Variants in GLS observed in about 807,000 individuals in gnomAD.
The protein encoded by GLS is glutaminase.
In GLS, 36 loss-of-function variants were observed where a neutral mutation model predicts 86.7. That is an observed-to-expected ratio of 0.42 (90% CI 0.32 to 0.55). GLS has a LOEUF of 0.55. Ranked by LOEUF, GLS falls within the 20% of genes least tolerant of loss-of-function variation. The pLI is 0.17. For missense variants in GLS, 528 were observed against 833.4 expected, an observed-to-expected ratio of 0.63 and a Z score of 4.51; for synonymous variants, 317 against 305.9, an observed-to-expected ratio of 1.04 and a Z score of -0.38.
chr2:190,959,200 G>A (rs1272242045), intron 17 of GLS, among the ~76,000 whole-genome samples: 2 of 150,332 alleles, frequency 1.3e-5, no homozygotes, highest in Non-Finnish European at 1.5e-5. Context: ...GATCTTTGTC[G>A]GTTTAAAGTC....
At position 190,927,399 on chromosome 2, in the gene GLS, C is replaced by T. The variant is rs1459271450; in HGVS notation, c.1342C>T (p.Leu448=). ...GFCPITGERV[L]SPEAVRNTLS... Reference sequence around the variant, plus strand: ...CTGCCCAATTACTGGTGAAAGAGTACTGAGCCCTGAAGCAGTTCGAAATAC... The same window carrying T: ...CTGCCCAATTACTGGTGAAAGAGTATTGAGCCCTGAAGCAGTTCGAAATAC... Residue 448 remains leucine, a synonymous_variant, in exon 12 of 18, where the codon CTG becomes TTG. Coordinates refer to ENST00000320717, the MANE Select transcript of GLS (RefSeq NM_014905.5). 1 of 1,613,692 alleles carries T rather than the reference C, an allele frequency of 6.2e-7. No homozygotes were observed. The highest frequency in any genetic ancestry group is 1.3e-5 in the African/African-American group (1 of 74,904).
Position 190,921,054 on chromosome 2 carries a change from T to G in GLS, c.1069T>G (p.Tyr357Asp). 6.3e-7 allele frequency: 1 copy of G among 1,585,008 alleles called. No homozygotes were observed. Among genetic ancestry groups the G allele is most frequent in the Non-Finnish European group, 8.7e-7 (1 of 1,154,366 alleles). Residue 357 changes from tyrosine (Y) to aspartate (D), a missense_variant and splice_region_variant, in exon 8 of 18, where the codon TAT becomes GAT. Tyr to Asp is a radical substitution (Grantham distance 160). Coordinates refer to ENST00000320717, the MANE Select transcript of GLS (RefSeq NM_014905.5). The surrounding 1 kb of genome is among the most constrained non-coding windows in gnomAD (Gnocchi z 4.2). ...AGTAAATAATGCTGAAAAATTTGAC[T>G]ATGTAAGTGCAACATGTCATTCAGT... ...QGVNNAEKFDYVMQFLNKMAG... is the reference protein window; with the variant it reads ...QGVNNAEKFDDVMQFLNKMAG...
intron 1 of GLS, among the ~76,000 whole-genome samples, chr2:190,891,806 C>T (rs893101438): frequency 1.3e-5 from 2 of 151,974 alleles, no homozygotes; most frequent in Non-Finnish European, 2.9e-5. Flanking sequence ...CATATAATAG[C>T]CTATAGGTAG....
Position 190,930,521 on chromosome 2 carries a change from C to A in GLS, c.1510C>A (p.Pro504Thr), listed in dbSNP as rs760909647. Residue 504 changes from proline (P) to threonine (T), a missense_variant, in exon 13 of 18, where the codon CCT becomes ACT. This residue lies in a region of GLS where 163 missense variants were observed against 429.2 expected (regional missense o/e 0.38). Transcript: ENST00000320717. The surrounding 1 kb of genome is among the most constrained non-coding windows in gnomAD (Gnocchi z 5.0). The part of the protein sequence containing the change: ...NVMGMMCWSP[P>T]LDKMGNSVKG... ...TATGGGTATGATGTGCTGGTCTCCTCCTCTGGATAAGATGGGCAACAGTGT... is the reference window on the plus strand; with the variant it reads ...TATGGGTATGATGTGCTGGTCTCCTACTCTGGATAAGATGGGCAACAGTGT... 1.2e-6 allele frequency: 2 copies of A among 1,612,874 alleles called. No individual in the cohort carries two copies. The highest frequency in any genetic ancestry group is 1.7e-6 in the Non-Finnish European group (2 of 1,178,994).
chr2:190,887,936 G>A (rs1688441925), intron 1 of GLS, among the ~76,000 whole-genome samples: 1 of 152,152 alleles, frequency 6.6e-6, no homozygotes, highest in African/African-American at 2.4e-5. Context: ...TTTCTATGCA[G>A]TATGATCTCA....
chr2:190,894,916 G>T (rs978705461), intron 1 of GLS, among the ~76,000 whole-genome samples: 3 of 151,086 alleles, frequency 2.0e-5, no homozygotes, highest in African/African-American at 4.8e-5. Context: ...TGATGATCAG[G>T]GTTTCAAAAC....
At chr2:190,928,892 G>GTTTTTTTTTTTTTTTTTTTT (rs367999647) in intron 12 of GLS, among the ~76,000 whole-genome samples, 5 of 12,824 alleles carry the variant, frequency 3.9e-4, no homozygotes, top group African/African-American at 9.3e-4. Flanking sequence ...ATTCAGGTGT[G>GTTTTTTTTTTTTTTTTTTTT]TTTTTTTTTT....
chr2:190,914,872 T>G lies in GLS; in HGVS notation c.1038+4551T>G, dbSNP rs945092049. ...CAATTCATAAATATGTTGTAAAAAC[T>G]ATAAAACATTGCAATATAGTTACAT... On this transcript the variant is annotated intron_variant, in intron 7 of 17. Transcript: ENST00000320717. This position sits in a 1 kb window ranked among gnomAD's most constrained non-coding sequence, Gnocchi z 4.4. 3.9e-5 allele frequency among the ~76,000 whole-genome samples: 6 copies of G among 152,214 alleles called. No individual in the cohort carries two copies. Among genetic ancestry groups the G allele is most frequent in the Non-Finnish European group, 7.3e-5 (5 of 68,030 alleles).
intron 1 of GLS, 37 bp downstream of exon 1, chr2:190,881,507 T>C: frequency 1.3e-6 from 2 of 1,523,410 alleles, no homozygotes; most frequent in Non-Finnish European, 1.8e-6. Context: ...GCCTCGTTCC[T>C]TTCGGGGCCC....
intron 3 of GLS, among the ~76,000 whole-genome samples, chr2:190,898,698 C>T (rs1417551867): frequency 6.6e-6 from 1 of 152,194 alleles, no homozygotes; most frequent in Non-Finnish European, 1.5e-5. Flanking sequence ...ATGGCGCGAT[C>T]TTGGCTCACC....
chr2:190,936,253 T>C (rs961269585), intron 14 of GLS, among the ~76,000 whole-genome samples: 10 of 151,162 alleles, frequency 6.6e-5, no homozygotes, highest in Non-Finnish European at 1.3e-4. Context: ...AATAGGCATA[T>C]ATTTATGTGG....
intron 4 of GLS, 119 bp from the exon 5 acceptor site, chr2:190,901,828 T>C: frequency 1.5e-6 from 1 of 680,818 alleles, no homozygotes; most frequent in South Asian, 1.7e-5. Context: ...AGCCACTGAG[T>C]GTTGTAGAAT....
chr2:190,952,935 G>A (rs1690755863), intron 14 of GLS, among the ~76,000 whole-genome samples: 1 of 152,148 alleles, frequency 6.6e-6, no homozygotes. Context: ...AAATCTTGGA[G>A]CACTTAATAG....
rs143643056 is a variant in GLS, at chr2:190,962,822, G to C, written c.1854-8G>C. 120 of 1,506,018 alleles carry C rather than the reference G, an allele frequency of 8.0e-5. No individual in the cohort carries two copies. The East Asian group carries it at 2.8e-3, about 35-fold the overall frequency. 93.3% of individuals were successfully genotyped at this position (1,506,018 alleles called of 1,614,324 possible). ...AATGACCCTGTCCATGCTGTGCTAC[G>C]TGTTTAGGTGGAATAACACTCCCAT... is the stretch of plus-strand genomic sequence containing the variant. On this transcript the variant is annotated splice_polypyrimidine_tract_variant and splice_region_variant and intron_variant, in intron 17 of 17. Coordinates refer to ENST00000320717, the MANE Select transcript of GLS (RefSeq NM_014905.5). This position sits in a 1 kb window ranked among gnomAD's most constrained non-coding sequence, Gnocchi z 4.2.
rs1345477023 is a variant in GLS at position 190,914,510 on chromosome 2, A to G, written c.1038+4189A>G. On this transcript the variant is annotated intron_variant, in intron 7 of 17. Coordinates refer to ENST00000320717, the MANE Select transcript of GLS (RefSeq NM_014905.5). This position sits in a 1 kb window ranked among gnomAD's most constrained non-coding sequence, Gnocchi z 4.4. ...GTTACTTTATTTTTAGGGTTGATCT[A>G]TGAAAATACTAGATCTAGAAAAACA... Among the ~76,000 whole-genome samples, 1 of 151,814 alleles carries G rather than the reference A, an allele frequency of 6.6e-6. No individual in the cohort carries two copies. Among genetic ancestry groups the G allele is most frequent in the African/African-American group, 2.4e-5 (1 of 41,284 alleles).
chr2:190,957,971 C>G (rs1293231924), intron 17 of GLS, among the ~76,000 whole-genome samples: 3 of 152,140 alleles, frequency 2.0e-5, no homozygotes, highest in South Asian at 2.1e-4. Flanking sequence ...GGAATAGATT[C>G]AGAAGGAATG....
intron 5 of GLS, among the ~76,000 whole-genome samples, chr2:190,904,390 C>G (rs111963875): frequency 6.6e-6 from 1 of 152,084 alleles, no homozygotes. Context: ...CTCTCTTGCC[C>G]TCAGAGGAAA....
intron 7 of GLS, among the ~76,000 whole-genome samples, chr2:190,911,576 G>A (rs1689360648): frequency 6.6e-6 from 1 of 152,034 alleles, no homozygotes; most frequent in African/African-American, 2.4e-5. Flanking sequence ...CTAGCTTTAG[G>A]TAGCTTACTT....
intron 5 of GLS, among the ~76,000 whole-genome samples, chr2:190,904,650 C>T (rs1373920527): frequency 6.6e-6 from 1 of 152,016 alleles, no homozygotes; most frequent in Non-Finnish European, 1.5e-5. Flanking sequence ...CTAAATAATA[C>T]AGTACACCTA....
Sources: allele counts gnomAD v4.1 joint callset (sites outside exome capture counted in the v4.1 genomes callset), GRCh38; gene constraint gnomAD v4.1.1; regional missense constraint gnomAD v4.1.1; non-coding constraint Gnocchi (gnomAD v3.1); transcripts MANE v1.5; gene names NCBI Gene and HGNC (gene_info 2026-07-23, HGNC 2026-07-21).